Variants in SGCD observed in about 807,000 individuals in gnomAD.
SGCD encodes the protein sarcoglycan delta.
A neutral mutation model predicts 36.6 loss-of-function variants in SGCD; 18 were observed. The observed-to-expected ratio is 0.49, with a 90% CI of 0.34 to 0.73. SGCD has a LOEUF of 0.73. Ranked by LOEUF, SGCD falls within the 30% of genes least tolerant of loss-of-function variation. The pLI is 0.01. For synonymous variants in SGCD, 133 were observed against 130.6 expected (o/e 1.02, Z -0.12); for missense variants, 387 against 346.7 (o/e 1.12, Z -0.92).
chr5:155,764,735 T>C, the SGCD span, among the ~76,000 whole-genome samples: 3 of 152,134 alleles, frequency 2.0e-5, no homozygotes, highest in African/African-American at 7.2e-5. Flanking sequence ...GAGTGTTTTC[T>C]GTAAAAAATT....
At chr5:156,478,409 C>T (rs114093430) in intron 3 of SGCD, among the ~76,000 whole-genome samples, 7 of 152,184 alleles carry the variant, frequency 4.6e-5, no homozygotes, top group African/African-American at 1.7e-4. Context: ...CTGAGCCACA[C>T]GCATCTTTGT....
intron 3 of SGCD, among the ~76,000 whole-genome samples, chr5:156,150,944 G>T (rs17053253): frequency 0.037 from 5,607 of 151,590 alleles, 557 homozygotes; most frequent in African/African-American, 0.13. Flanking sequence ...TGTACTTCAA[G>T]GGCTCTTAAG....
intron 3 of SGCD, among the ~76,000 whole-genome samples, chr5:156,137,451 A>G (rs1460731944): frequency 6.6e-6 from 1 of 152,206 alleles, no homozygotes; most frequent in African/African-American, 2.4e-5. Context: ...CTCAGTGGGA[A>G]CATATTCCAG....
chr5:155,994,432 T>A (rs1469928779), intron 1 of SGCD, among the ~76,000 whole-genome samples: 1 of 152,196 alleles, frequency 6.6e-6, no homozygotes, highest in African/African-American at 2.4e-5. Flanking sequence ...TCCTAGGACT[T>A]GGACTTGGAA....
At chr5:156,414,374 TA>T (rs963517255) in intron 3 of SGCD, among the ~76,000 whole-genome samples, 33 of 152,382 alleles carry the variant, frequency 2.2e-4, no homozygotes, top group African/African-American at 7.2e-4. Flanking sequence ...ACAAAATTTT[TA>T]TAAAACTTAA....
chr5:156,223,258 C>T (rs1377207498), intron 3 of SGCD, among the ~76,000 whole-genome samples: 2 of 151,932 alleles, frequency 1.3e-5, no homozygotes, highest in East Asian at 3.9e-4. Context: ...AAACTCAGGG[C>T]CTGTTGGATA....
At chr5:156,301,381 G>C (rs763110398) in intron 3 of SGCD, among the ~76,000 whole-genome samples, 1 of 151,946 alleles carries the variant, frequency 6.6e-6, no homozygotes, top group Non-Finnish European at 1.5e-5. Flanking sequence ...GAGAAAACTA[G>C]TAAAAACTTT....
chr5:155,877,094 G>A (rs1755782472), intron 1 of SGCD, among the ~76,000 whole-genome samples: 1 of 152,004 alleles, frequency 6.6e-6, no homozygotes, highest in African/African-American at 2.4e-5. Flanking sequence ...GAAGTCTTAT[G>A]GGCCTTAAAA....
At chr5:155,846,733 C>A in the SGCD span, among the ~76,000 whole-genome samples, 1 of 152,180 alleles carries the variant, frequency 6.6e-6, no homozygotes, top group African/African-American at 2.4e-5. Context: ...CTGTATAACA[C>A]AAAGTAAAGA....
chr5:156,610,846 G>A (rs533573508), intron 6 of SGCD, among the ~76,000 whole-genome samples: 11 of 152,368 alleles, frequency 7.2e-5, no homozygotes, highest in South Asian at 2.1e-4. Context: ...CAGGCCAGGC[G>A]CAGGATATAA....
intron 1 of SGCD, among the ~76,000 whole-genome samples, chr5:155,921,701 TC>T (rs1434791334): frequency 1.3e-5 from 2 of 152,140 alleles, no homozygotes; most frequent in Non-Finnish European, 2.9e-5. Context: ...AGCAACACTT[TC>T]AAAAACTATA....
intron 2 of SGCD, among the ~76,000 whole-genome samples, chr5:156,334,909 AC>A (rs548716935): frequency 3.0e-4 from 45 of 152,212 alleles, no homozygotes; most frequent in African/African-American, 1.1e-3. Context: ...TAAATACCTT[AC>A]TTTGTATTCA....
intron 3 of SGCD, among the ~76,000 whole-genome samples, chr5:156,306,861 G>T (rs1335002480): frequency 6.6e-6 from 1 of 151,922 alleles, no homozygotes; most frequent in Non-Finnish European, 1.5e-5. Flanking sequence ...TATTTTAATA[G>T]GCTATTATTA....
At chr5:155,864,281 G>T in the SGCD span, among the ~76,000 whole-genome samples, 2 of 152,190 alleles carry the variant, frequency 1.3e-5, no homozygotes, top group Non-Finnish European at 2.9e-5. Context: ...AGTGATGTAT[G>T]ATGGTTAAGT....
At chr5:155,786,490 T>C in the SGCD span, among the ~76,000 whole-genome samples, 1 of 151,994 alleles carries the variant, frequency 6.6e-6, no homozygotes, top group East Asian at 1.9e-4. Flanking sequence ...TTAATCGGGG[T>C]ATTTAACAAG....
chr5:156,735,375 C>A (rs1327671276), intron 7 of SGCD, among the ~76,000 whole-genome samples: 1 of 152,150 alleles, frequency 6.6e-6, no homozygotes, highest in Non-Finnish European at 1.5e-5. Context: ...GCAGCCTGCC[C>A]CCCACTGCCT....
chr5:156,411,772 G>A (rs888325532), intron 3 of SGCD, among the ~76,000 whole-genome samples: 4 of 152,160 alleles, frequency 2.6e-5, no homozygotes, highest in African/African-American at 9.7e-5. Flanking sequence ...AGAAATTATT[G>A]ACACATACAC....
chr5:155,845,097 A>G, the SGCD span, among the ~76,000 whole-genome samples: 2 of 151,232 alleles, frequency 1.3e-5, no homozygotes, highest in African/African-American at 4.9e-5. Context: ...CCATTGTTCA[A>G]CTCCTACTTA....
the SGCD span, among the ~76,000 whole-genome samples, chr5:155,823,915 C>T: frequency 1.6e-3 from 243 of 152,240 alleles, 1 homozygote; most frequent in African/African-American, 5.6e-3. Context: ...CAGATTACCG[C>T]ATGAGGACAG....
Sources: gnomAD v4.1 joint callset for allele counts (sites outside exome capture counted in the v4.1 genomes callset) on GRCh38, gnomAD v4.1.1 for gene constraint, MANE v1.5 for transcripts, NCBI Gene and HGNC (gene_info 2026-07-23, HGNC 2026-07-21) for gene names.